CECR2: variants seen among roughly 807,000 people sequenced by gnomAD.
CECR2 encodes the protein CECR2 histone acetyl-lysine reader, also known as chromatin remodeling regulator CECR2.
In CECR2, 30 loss-of-function variants were observed where a neutral mutation model predicts 154.5. The ratio of observed to expected loss-of-function variants is 0.19; its 90% confidence interval spans 0.15 to 0.26. CECR2 has a LOEUF of 0.26. Ranked by LOEUF, CECR2 falls within the 10% of genes least tolerant of loss-of-function variation. The probability of loss-of-function intolerance (pLI) is 1.00; values close to 1 mark genes in which losing one functional copy is unlikely to be tolerated. For synonymous variants in CECR2, 725 were observed against 683.7 expected, an observed-to-expected ratio of 1.06 and a Z score of -0.94; for missense variants, 1,743 against 1,829.3, an observed-to-expected ratio of 0.95 and a Z score of 0.86.
chr22:17,442,115 A>G (rs1342566369), intron 1 of CECR2, among the ~76,000 whole-genome samples: 1 of 151,068 alleles, frequency 6.6e-6, no homozygotes, highest in African/African-American at 2.5e-5. Flanking sequence ...CCTATTTTGA[A>G]TTCAGAAGAA....
intron 1 of CECR2, among the ~76,000 whole-genome samples, chr22:17,433,480 C>T (rs1462706331): frequency 6.6e-6 from 1 of 152,192 alleles, no homozygotes; most frequent in South Asian, 2.1e-4. Context: ...GACTCTGGCT[C>T]TGTTGCCCAG....
chr22:17,443,588 C>T (rs936756194), intron 1 of CECR2, among the ~76,000 whole-genome samples: 4 of 152,110 alleles, frequency 2.6e-5, no homozygotes, highest in Admixed American at 6.6e-5. Flanking sequence ...AAATTGACTC[C>T]GGCTTAGCAG....
rs115209060 is a variant in CECR2, at chr22:17,477,199, G to A, written c.127-389G>A. ...AAATGTTTCATAAACAATTACATGA[G>A]CACTCCTTTCCTCTCTTTTGCGATT... is the stretch of plus-strand genomic sequence containing the variant. On this transcript the variant is annotated intron_variant, in intron 1 of 18. Coordinates refer to ENST00000262608, the MANE Select transcript of CECR2 (RefSeq NM_001290047.2). 9,924 of 712,062 alleles carry A rather than the reference G, an allele frequency of 0.014. 552 individuals carry two copies. The East Asian group carries it at 0.16, about 12-fold the overall frequency. The allele number at this position is 712,062 out of a possible 1,614,324, so 44.1% of individuals were successfully genotyped here.
chr22:17,479,646 G>A (rs1164050014), intron 2 of CECR2, among the ~76,000 whole-genome samples: 1 of 151,892 alleles, frequency 6.6e-6, no homozygotes, highest in African/African-American at 2.4e-5. Context: ...CTTCCAGATA[G>A]TGGTTACAAA....
intron 1 of CECR2, among the ~76,000 whole-genome samples, chr22:17,466,003 G>A (rs918757783): frequency 1.3e-5 from 2 of 149,872 alleles, no homozygotes; most frequent in East Asian, 1.9e-4. Context: ...ACTACCCCCC[G>A]CTCCTTTATT....
At chr22:17,456,523 G>GT (rs1282227010) in intron 1 of CECR2, among the ~76,000 whole-genome samples, 7 of 152,184 alleles carry the variant, frequency 4.6e-5, no homozygotes, top group African/African-American at 1.7e-4. Context: ...GTTGGTCACA[G>GT]TAGTAACTGT....
rs1372338446 is a variant in CECR2 at position 17,552,924 on chromosome 22, C to G, written c.*84C>G. The G allele has an allele frequency of 6.5e-6, 10 of 1,528,484 alleles. No individual in the cohort carries two copies. Among genetic ancestry groups the G allele is most frequent in the African/African-American group, 1.4e-5 (1 of 71,362 alleles). The allele number at this position is 1,528,484 out of a possible 1,614,324, so 94.7% of individuals were successfully genotyped here. The stretch of plus-strand genomic sequence containing the variant: ...AGAACTGGGGAGTGCCCTGTCAGCT[C>G]TATTCCCATCACCTGCTCCACCCCT... On this transcript the variant is annotated 3_prime_UTR_variant, in exon 19 of 19. Transcript: ENST00000262608.
intron 1 of CECR2, among the ~76,000 whole-genome samples, chr22:17,422,889 C>T (rs918890925): frequency 4.6e-5 from 7 of 152,126 alleles, no homozygotes; most frequent in Non-Finnish European, 2.9e-5. Flanking sequence ...TCTCCCTGCT[C>T]ATGCTGCCCA....
Position 17,382,999 on chromosome 22 carries a change from G to A in CECR2, c.126+13090G>A, listed in dbSNP as rs371679031. Among the ~76,000 whole-genome samples the A allele has an allele frequency of 1.6e-4, 24 of 152,134 alleles. 1 individual carries two copies. The highest frequency in any genetic ancestry group is 2.6e-4 in the Admixed American group (4 of 15,282). On this transcript the variant is annotated intron_variant, in intron 1 of 18. Coordinates refer to ENST00000262608, the MANE Select transcript of CECR2 (RefSeq NM_001290047.2). ...TCCCACCACTTTGGGAGGCCGAGGC[G>A]GGTGGATCATGAGGTCAGGAGTTCG...
chr22:17,404,636 G>A (rs1376286410), intron 1 of CECR2, among the ~76,000 whole-genome samples: 1 of 151,034 alleles, frequency 6.6e-6, no homozygotes, highest in Non-Finnish European at 1.5e-5. Context: ...GCCTCCCAAA[G>A]TGCTGGGATT....
At chr22:17,474,318 T>C (rs5992723) in intron 1 of CECR2, among the ~76,000 whole-genome samples, 6,471 of 152,280 alleles carry the variant, frequency 0.042, 468 homozygotes, top group African/African-American at 0.15. Flanking sequence ...AACCCTGTTT[T>C]TAATGACTTC....
chr22:17,370,199 C>T (rs2063038547), intron 1 of CECR2, among the ~76,000 whole-genome samples: 1 of 150,666 alleles, frequency 6.6e-6, no homozygotes, highest in Non-Finnish European at 1.5e-5. Context: ...GGGAGCGGGA[C>T]CCGGCGACCC....
chr22:17,424,425 C>T, intron 1 of CECR2: 1 of 182,634 alleles, frequency 5.5e-6, no homozygotes. Flanking sequence ...AGGGAGACAT[C>T]TCTCCACACT....
rs2056758203 is a variant in CECR2 at position 17,555,048 on chromosome 22, A to G, written c.*2208A>G. On this transcript the variant is annotated 3_prime_UTR_variant, in exon 19 of 19. Transcript: ENST00000262608. ...GCACTGACACTGTGGGCCTCTCCCC[A>G]TGACTACCCCAGGGGCCTGGGTGGG... 6.6e-6 allele frequency: 1 copy of G among 152,196 alleles called. No individual in the cohort carries two copies. The highest frequency in any genetic ancestry group is 2.1e-4 in the South Asian group (1 of 4,826). 9.4% of individuals were successfully genotyped at this position (152,196 alleles called of 1,614,324 possible).
In CECR2 at chr22:17,557,145, C is replaced by CTTTTTTTTTTT. The variant is rs695763; in HGVS notation, c.*4315_*4325dup. ...TACTGCATCCCGTTTTTTTTCTTTT[C>CTTTTTTTTTTT]TTTTTTTTTTTTTTTTTTTTGAGAC... is the stretch of plus-strand genomic sequence containing the variant. On this transcript the variant is annotated 3_prime_UTR_variant, in exon 19 of 19. Coordinates refer to ENST00000262608, the MANE Select transcript of CECR2 (RefSeq NM_001290047.2). 4 of 106,540 alleles carry CTTTTTTTTTTT rather than the reference C, an allele frequency of 3.8e-5. No homozygotes were observed. Among genetic ancestry groups the CTTTTTTTTTTT allele is most frequent in the Admixed American group, 1.1e-4 (1 of 8,890 alleles). The allele number at this position is 106,540 out of a possible 1,614,324, so 6.6% of individuals were successfully genotyped here.
rs532493146 is a variant in CECR2 at position 17,542,471 on chromosome 22, G to C, written c.2328G>C (p.Gly776=). ...GAGTACACTCTGCCGTCTGGAATGG[G>C]AACCATGGTGCTACGAACCAAGGAC... ...LNRVHSAVWN[G]NHGATNQGPL... The change falls in exon 16 of 19, where the codon GGG becomes GGC. Residue 776 remains glycine (G), a synonymous_variant. Coordinates refer to ENST00000262608, the MANE Select transcript of CECR2 (RefSeq NM_001290047.2). 7 of 1,613,850 alleles carry C rather than the reference G, an allele frequency of 4.3e-6. No homozygotes were observed. In the Admixed American group the frequency reaches 1.0e-4, roughly 23 times the overall value.
intron 2 of CECR2, 82 bp from the exon 3 acceptor site, chr22:17,497,321 C>G: frequency 2.2e-6 from 3 of 1,367,358 alleles, no homozygotes; most frequent in Admixed American, 2.4e-5. Flanking sequence ...GCTGTCAGAT[C>G]ATGAGTTCTC....
rs572339538 is a variant in CECR2 at position 17,455,103 on chromosome 22, A to G, written c.127-22485A>G. 9.8e-5 allele frequency among the ~76,000 whole-genome samples: 15 copies of G among 152,344 alleles called. No individual in the cohort carries two copies. In the East Asian group the frequency reaches 2.9e-3, roughly 29 times the overall value. On this transcript the variant is annotated intron_variant, in intron 1 of 18. Coordinates refer to ENST00000262608, the MANE Select transcript of CECR2 (RefSeq NM_001290047.2). ...AAAGGCAGAGGAGAACAAAGGAAGG[A>G]GGAAGTAACTTGTGGAATGCTGAGA...
At chr22:17,502,705 A>G (rs2055760531) in intron 5 of CECR2, among the ~76,000 whole-genome samples, 1 of 152,178 alleles carries the variant, frequency 6.6e-6, no homozygotes, top group African/African-American at 2.4e-5. Context: ...CAGGAGGCTG[A>G]GGCAGGAGAA....
Sources: gnomAD v4.1 joint callset for allele counts (sites outside exome capture counted in the v4.1 genomes callset) on GRCh38, gnomAD v4.1.1 for gene constraint, MANE v1.5 for transcripts, NCBI Gene and HGNC (gene_info 2026-07-23, HGNC 2026-07-21) for gene names.